AFF3: variants seen among roughly 807,000 people sequenced by gnomAD.
AFF3 encodes the protein AF4/FMR2 family member 3.
A neutral mutation model predicts 129.7 loss-of-function variants in AFF3; 32 were observed. That is an observed-to-expected ratio of 0.25 (90% CI 0.19 to 0.33). The LOEUF is 0.33. Ranked by LOEUF, AFF3 falls within the 10% of genes least tolerant of loss-of-function variation. AFF3 has a pLI of 1.00. For synonymous variants in AFF3, 644 were observed against 635.4 expected, an observed-to-expected ratio of 1.01 and a Z score of -0.20; for missense variants, 1,373 against 1,592.0, an observed-to-expected ratio of 0.86 and a Z score of 2.34.
At chr2:99,945,801 T>C (rs185818223) in intron 7 of AFF3, among the ~76,000 whole-genome samples, 81 of 152,288 alleles carry the variant, frequency 5.3e-4, no homozygotes, top group African/African-American at 1.8e-3. Flanking sequence ...AAGCCATGCT[T>C]ATGGAAGATG....
At chr2:99,958,485 GA>G (rs551725293) in intron 7 of AFF3, among the ~76,000 whole-genome samples, 1,470 of 102,398 alleles carry the variant, frequency 0.014, 16 homozygotes, top group African/African-American at 0.043. Context: ...ACTCTGTCTC[GA>G]AAAAAAAAAA....
At chr2:99,997,755 C>T (rs191080271) in intron 7 of AFF3, among the ~76,000 whole-genome samples, 221 of 152,232 alleles carry the variant, frequency 1.5e-3, no homozygotes, top group African/African-American at 4.7e-3. Flanking sequence ...CTATCCCAGG[C>T]GAGGAGGCAC....
intron 4 of AFF3, among the ~76,000 whole-genome samples, chr2:100,061,856 GA>G (rs57756986): frequency 0.051 from 5,765 of 112,266 alleles, 361 homozygotes; most frequent in South Asian, 0.11. Context: ...TAGCACAGTG[GA>G]GGGGGGGGGG....
intron 11 of AFF3, among the ~76,000 whole-genome samples, chr2:99,720,627 T>C (rs968011332): frequency 6.6e-6 from 1 of 152,232 alleles, no homozygotes; most frequent in African/African-American, 2.4e-5. Context: ...TCCATTTGTA[T>C]TTAATGCAGT....
At chr2:99,829,468 C>T (rs933008567) in intron 8 of AFF3, among the ~76,000 whole-genome samples, 12 of 152,104 alleles carry the variant, frequency 7.9e-5, no homozygotes, top group Admixed American at 2.0e-4. Flanking sequence ...AAAAAGTGGG[C>T]GAAGGATATG....
chr2:99,815,746 C>A (rs545006670), intron 8 of AFF3, among the ~76,000 whole-genome samples: 17 of 151,552 alleles, frequency 1.1e-4, no homozygotes, highest in Non-Finnish European at 1.6e-4. Context: ...AAAGATGTCA[C>A]CCCACTGTTT....
At chr2:99,720,623 T>C (rs1678805682) in intron 11 of AFF3, among the ~76,000 whole-genome samples, 1 of 152,228 alleles carries the variant, frequency 6.6e-6, no homozygotes, top group Admixed American at 6.5e-5. Flanking sequence ...ACAGTCCATT[T>C]GTATTTAATG....
chr2:100,015,840 C>T (rs879670683), intron 4 of AFF3, among the ~76,000 whole-genome samples: 1 of 151,794 alleles, frequency 6.6e-6, no homozygotes, highest in African/African-American at 2.4e-5. Context: ...GGTTGTGATG[C>T]TATAGGTGCG....
chr2:100,068,176 C>T (rs1050941164), intron 4 of AFF3, among the ~76,000 whole-genome samples: 1 of 152,212 alleles, frequency 6.6e-6, no homozygotes, highest in African/African-American at 2.4e-5. Flanking sequence ...CTCTAAGTTC[C>T]TGTCTTCTTC....
At chr2:100,027,325 A>C (rs1448675275) in intron 4 of AFF3, among the ~76,000 whole-genome samples, 1 of 152,212 alleles carries the variant, frequency 6.6e-6, no homozygotes, top group Admixed American at 6.5e-5. Context: ...ATTATTCCCC[A>C]GGATACCTCA....
At chr2:99,733,915 A>G (rs1398984061) in intron 10 of AFF3, among the ~76,000 whole-genome samples, 1 of 152,208 alleles carries the variant, frequency 6.6e-6, no homozygotes, top group Admixed American at 6.5e-5. Flanking sequence ...TAGCCCTTTG[A>G]TCTATTGTAT....
chr2:100,045,675 A>G (rs921060740), intron 4 of AFF3, among the ~76,000 whole-genome samples: 5 of 151,598 alleles, frequency 3.3e-5, no homozygotes. Flanking sequence ...AGCAAGCCCA[A>G]CCCTTCTTCT....
intron 13 of AFF3, among the ~76,000 whole-genome samples, chr2:99,622,143 C>G (rs1030419699): frequency 6.6e-6 from 1 of 152,176 alleles, no homozygotes; most frequent in Non-Finnish European, 1.5e-5. Flanking sequence ...GGGTCTCCAG[C>G]CCCACTTTGG....
intron 10 of AFF3, among the ~76,000 whole-genome samples, chr2:99,736,528 C>G (rs1408540151): frequency 6.6e-6 from 1 of 151,664 alleles, no homozygotes; most frequent in Non-Finnish European, 1.5e-5. Context: ...TAGCACAGAG[C>G]TAGAGTTTTA....
At chr2:100,045,775 T>C (rs1483684723) in intron 4 of AFF3, among the ~76,000 whole-genome samples, 2 of 152,182 alleles carry the variant, frequency 1.3e-5, no homozygotes, top group Non-Finnish European at 2.9e-5. Context: ...GTAAACATAT[T>C]TTCTCTTGCT....
chr2:100,088,790 G>A (rs947764136), intron 4 of AFF3, among the ~76,000 whole-genome samples: 8 of 151,988 alleles, frequency 5.3e-5, no homozygotes, highest in African/African-American at 1.9e-4. Context: ...AAACTGGAAA[G>A]TAACGGCTAC....
In AFF3 at chr2:99,551,622, A is replaced by G. The variant is rs1029428976; in HGVS notation, c.3560-27T>C. ...TAGGGGGACAGAAAGAGTTGTTAAG[A>G]ATGCCACACATGCTAGGTGTGCTAT... On this transcript the variant is annotated intron_variant, in intron 24 of 24. Transcript: ENST00000672756. 3 of 1,613,646 alleles carry G rather than the reference A, an allele frequency of 1.9e-6. No individual in the cohort carries two copies. In the African/African-American group the frequency reaches 4.0e-5, roughly 22 times the overall value.
chr2:100,006,296 T>C (rs1681965379), intron 7 of AFF3: 2 of 193,496 alleles, frequency 1.0e-5, no homozygotes, highest in Non-Finnish European at 2.1e-5. Flanking sequence ...GAATCACTTA[T>C]TCACTTATTT....
At chr2:99,952,856 C>T (rs73964377) in intron 7 of AFF3, among the ~76,000 whole-genome samples, 4,060 of 152,286 alleles carry the variant, frequency 0.027, 105 homozygotes, top group African/African-American at 0.064. Flanking sequence ...CAAATCCTGC[C>T]TCTCGAACTT....
Sources: allele counts gnomAD v4.1 joint callset (sites outside exome capture counted in the v4.1 genomes callset), GRCh38; gene constraint gnomAD v4.1.1; transcripts MANE v1.5; gene names NCBI Gene and HGNC (gene_info 2026-07-23, HGNC 2026-07-21).